Variants in SAMD4B observed in about 807,000 individuals in gnomAD.
SAMD4B encodes the protein protein Smaug homolog 2.
SAMD4B carries 5 observed loss-of-function variants against 74.5 expected under a neutral mutation model. That is an observed-to-expected ratio of 0.07 (90% CI 0.04 to 0.14). The LOEUF (loss-of-function observed/expected upper bound fraction) is 0.14, where lower values mean the gene tolerates loss of function less well. Ranked by LOEUF, SAMD4B falls within the 10% of genes least tolerant of loss-of-function variation. The pLI is 1.00. For synonymous variants in SAMD4B, 373 were observed against 374.9 expected, an observed-to-expected ratio of 1.00 and a Z score of 0.06; for missense variants, 608 against 921.8, an observed-to-expected ratio of 0.66 and a Z score of 4.41.
downstream of SAMD4B, chr19:39,389,263 C>T (rs1392135111): frequency 3.7e-6 from 6 of 1,611,902 alleles, no homozygotes; most frequent in Admixed American, 1.7e-5. The surrounding 1 kb of genome is among the most constrained non-coding windows in gnomAD (Gnocchi z 5.3). Context: ...CCTTCCCTCT[C>T]TTCCTGTTAG....
chr19:39,352,839 T>C (rs2076129762), intron 1 of SAMD4B, among the ~76,000 whole-genome samples: 1 of 152,112 alleles, frequency 6.6e-6, no homozygotes, highest in East Asian at 1.9e-4. Flanking sequence ...TGCACAACTT[T>C]GGTCTGTTTG....
At chr19:39,355,370 C>T (rs1181276804) in intron 2 of SAMD4B, among the ~76,000 whole-genome samples, 2 of 152,164 alleles carry the variant, frequency 1.3e-5, no homozygotes, top group African/African-American at 4.8e-5. Context: ...GTTTAGGGGT[C>T]CCACAGGGGA....
chr19:39,370,019 G>A lies in SAMD4B; in HGVS notation c.561G>A (p.Gly187=), dbSNP rs1162356634. 6.2e-7 allele frequency: 1 copy of A among 1,612,660 alleles called. No individual in the cohort carries two copies. Among genetic ancestry groups the A allele is most frequent in the South Asian group, 1.1e-5 (1 of 90,830 alleles). The change falls in exon 4 of 14, where the codon GGG becomes GGA. Residue 187 remains glycine (G), a synonymous_variant. Coordinates refer to ENST00000610417, the MANE Select transcript of SAMD4B (RefSeq NM_001384574.2). ...GPAELGPGEA[G]PGWQDKPPRE... Reference sequence around the variant, plus strand: ...CAGAGCTAGGCCCTGGGGAGGCAGGGCCAGGCTGGCAGGACAAGCCACCCC... The same window carrying A: ...CAGAGCTAGGCCCTGGGGAGGCAGGACCAGGCTGGCAGGACAAGCCACCCC...
chr19:39,386,874 G>T, downstream of SAMD4B: 1 of 990,912 alleles, frequency 1.0e-6, no homozygotes, highest in Non-Finnish European at 1.6e-6. This position sits in a 1 kb window ranked among gnomAD's most constrained non-coding sequence, Gnocchi z 6.1. Flanking sequence ...CCGCCCCCCA[G>T]TGAGGGGTCT....
At chr19:39,387,065 G>A, downstream of SAMD4B, 1 of 550,274 alleles carries the variant, frequency 1.8e-6, no homozygotes, top group Non-Finnish European at 3.3e-6. Flanking sequence ...ATACGGGCAT[G>A]GGCCATTTAA....
At chr19:39,362,860 TG>T (rs1266942982) in intron 3 of SAMD4B, among the ~76,000 whole-genome samples, 1 of 152,012 alleles carries the variant, frequency 6.6e-6, no homozygotes, top group East Asian at 1.9e-4. Context: ...TCAGTCTGGG[TG>T]GGGAAACTGA....
intron 9 of SAMD4B, among the ~76,000 whole-genome samples, chr19:39,379,298 A>G (rs2077805354): frequency 6.6e-6 from 1 of 152,138 alleles, no homozygotes; most frequent in Non-Finnish European, 1.5e-5. Context: ...AACCATGCCC[A>G]GCCCGTACAT....
intron 3 of SAMD4B, among the ~76,000 whole-genome samples, chr19:39,368,691 A>G (rs2077117680): frequency 6.6e-6 from 1 of 152,240 alleles, no homozygotes; most frequent in African/African-American, 2.4e-5. Flanking sequence ...GGGAGAATCT[A>G]GAAGCAGAGA....
chr19:39,367,507 C>CTTTTTTTTTTT (rs572713498), intron 3 of SAMD4B, among the ~76,000 whole-genome samples: 1 of 110,804 alleles, frequency 9.0e-6, no homozygotes, highest in African/African-American at 4.4e-5. Context: ...TTTTCTTTTT[C>CTTTTTTTTTTT]TTTTTTTTTT....
chr19:39,375,592 G>A lies in SAMD4B; in HGVS notation c.668-58G>A. 2 of 1,566,530 alleles carry A rather than the reference G, an allele frequency of 1.3e-6. No individual in the cohort carries two copies. The highest frequency in any genetic ancestry group is 2.3e-5 in the East Asian group (1 of 43,998). On this transcript the variant is annotated intron_variant, in intron 4 of 13. Coordinates refer to ENST00000610417, the MANE Select transcript of SAMD4B (RefSeq NM_001384574.2). The surrounding 1 kb of genome is among the most constrained non-coding windows in gnomAD (Gnocchi z 4.1). ...ATCCTGGCACTGACGGCAGGGGGAT[G>A]GTCTCCTGTGGTTGGGTCCCCAGGT...
chr19:39,383,143 T>C lies in SAMD4B; in HGVS notation c.1973-65T>C. 1 of 1,287,966 alleles carries C rather than the reference T, an allele frequency of 7.8e-7. No individual in the cohort carries two copies. The highest frequency in any genetic ancestry group is 1.1e-6 in the Non-Finnish European group (1 of 882,348). 79.8% of individuals were successfully genotyped at this position (1,287,966 alleles called of 1,614,324 possible). A position where few individuals can be genotyped will look rare whatever the true frequency, so the allele number is the denominator to read the frequency against. On this transcript the variant is annotated intron_variant, in intron 12 of 13. Coordinates refer to ENST00000610417, the MANE Select transcript of SAMD4B (RefSeq NM_001384574.2). This position sits in a 1 kb window ranked among gnomAD's most constrained non-coding sequence, Gnocchi z 4.1. The stretch of plus-strand genomic sequence containing the variant: ...CTTCCCATACCAGCATCCTTTGTCA[T>C]CCCAGCTGTCTTCACCTGAGTCCAG...
intron 3 of SAMD4B, among the ~76,000 whole-genome samples, chr19:39,368,529 C>T (rs550548915): frequency 6.6e-6 from 1 of 152,076 alleles, no homozygotes; most frequent in East Asian, 1.9e-4. Flanking sequence ...TGGAGGGTGC[C>T]CTGGAAATGA....
chr19:39,358,092 A>G (rs2076433624), intron 3 of SAMD4B, among the ~76,000 whole-genome samples: 2 of 152,044 alleles, frequency 1.3e-5, no homozygotes, highest in Admixed American at 1.3e-4. Context: ...CTAACGTGGC[A>G]AAACCCCGTG....
downstream of SAMD4B, chr19:39,390,003 C>A: frequency 7.5e-7 from 1 of 1,331,608 alleles, no homozygotes. Flanking sequence ...CAGCAGCCAA[C>A]GAGACAAGCA....
chr19:39,346,243 T>A (rs1417155264), intron 1 of SAMD4B, among the ~76,000 whole-genome samples: 1 of 152,158 alleles, frequency 6.6e-6, no homozygotes, highest in Non-Finnish European at 1.5e-5. Flanking sequence ...AGAGGGAGCC[T>A]TTTATTTGGA....
chr19:39,375,976 G>T lies in SAMD4B; in HGVS notation c.907+87G>T. The stretch of plus-strand genomic sequence containing the variant: ...AGAAAGGAGCTTGTAGCTGACACCT[G>T]CTTACCCCTCTGAGGAGGGGACATG... On this transcript the variant is annotated intron_variant, in intron 5 of 13. Transcript: ENST00000610417. The surrounding 1 kb of genome is among the most constrained non-coding windows in gnomAD (Gnocchi z 4.1). 2 of 1,526,358 alleles carry T rather than the reference G, an allele frequency of 1.3e-6. No homozygotes were observed. The highest frequency in any genetic ancestry group is 8.8e-7 in the Non-Finnish European group (1 of 1,134,252). 94.6% of individuals were successfully genotyped at this position (1,526,358 alleles called of 1,614,324 possible). A position where few individuals can be genotyped will look rare whatever the true frequency, so the allele number is the denominator to read the frequency against.
Position 39,375,784 on chromosome 19 carries a change from G to A in SAMD4B, c.802G>A (p.Ala268Thr), listed in dbSNP as rs779176821. Residue 268 changes from alanine to threonine, a missense_variant, in exon 5 of 14, where the codon GCA becomes ACA. Physicochemically the swap from Ala to Thr is moderately conservative, Grantham distance 58 (BLOSUM62 0). Coordinates refer to ENST00000610417, the MANE Select transcript of SAMD4B (RefSeq NM_001384574.2). This position sits in a 1 kb window ranked among gnomAD's most constrained non-coding sequence, Gnocchi z 4.1. ...ARAAFTTPDH[A>T]PLSPQSSVAS... ...GGCTGCTTTTACCACGCCCGATCAC[G>A]CACCTCTCTCGCCCCAGAGCAGCGT... 1.9e-6 allele frequency: 3 copies of A among 1,613,976 alleles called. No individual in the cohort carries two copies. The highest frequency in any genetic ancestry group is 8.5e-7 in the Non-Finnish European group (1 of 1,180,010).
In SAMD4B at chr19:39,381,072, C is replaced by T. The variant is rs200624545; in HGVS notation, c.1931C>T (p.Pro644Leu). ...TCTGTGCAGCGCACCCACTCGCTCCCGGTCCACTCGTCACCCCAGGCCATT... is the reference window on the plus strand; with the variant it reads ...TCTGTGCAGCGCACCCACTCGCTCCTGGTCCACTCGTCACCCCAGGCCATT... ...RSSVQRTHSL[P>L]VHSSPQAILM... The change falls in exon 12 of 14, where the codon CCG becomes CTG. Residue 644 changes from proline to leucine, a missense_variant. Around this residue, in one of 9 missense-constraint regions of SAMD4B, gnomAD observed 167 missense variants for 193.0 expected, o/e 0.87. Coordinates refer to ENST00000610417, the MANE Select transcript of SAMD4B (RefSeq NM_001384574.2). The T allele has an allele frequency of 8.1e-6, 13 of 1,612,830 alleles. No homozygotes were observed. Among genetic ancestry groups the T allele is most frequent in the Admixed American group, 1.7e-5 (1 of 59,952 alleles).
At chr19:39,385,875 C>T, downstream of SAMD4B, 2 of 1,457,750 alleles carry the variant, frequency 1.4e-6, no homozygotes, top group Non-Finnish European at 1.8e-6. Flanking sequence ...ACTTTATTAA[C>T]AGCAAAGGTT....
Sources: gnomAD v4.1 joint callset for allele counts (sites outside exome capture counted in the v4.1 genomes callset) on GRCh38, gnomAD v4.1.1 for gene constraint, gnomAD v4.1.1 regional missense constraint, Gnocchi (gnomAD v3.1) non-coding constraint, MANE v1.5 for transcripts, NCBI Gene and HGNC (gene_info 2026-07-23, HGNC 2026-07-21) for gene names.